The following CDH8 variants were observed in gnomAD, a reference collection of about 807,000 sequenced individuals.
CDH8 encodes cadherin-8.
A neutral mutation model predicts 68.1 loss-of-function variants in CDH8; 17 were observed. The observed-to-expected ratio is 0.25, with a 90% CI of 0.17 to 0.37. The LOEUF is 0.37. CDH8 is among the 10% of genes least tolerant of loss of function. The probability of loss-of-function intolerance (pLI) is 1.00; values close to 1 mark genes in which losing one functional copy is unlikely to be tolerated. For synonymous variants in CDH8, 372 were observed against 365.1 expected, an observed-to-expected ratio of 1.02 and a Z score of -0.21; for missense variants, 763 against 999.3, an observed-to-expected ratio of 0.76 and a Z score of 3.19.
intron 7 of CDH8, among the ~76,000 whole-genome samples, chr16:61,801,806 G>A (rs1302227437): frequency 6.6e-6 from 1 of 152,234 alleles, no homozygotes. Context: ...ACCTGGCTCG[G>A]AGGGCCCTAC....
chr16:62,017,986 A>T (rs1901982316), intron 2 of CDH8, among the ~76,000 whole-genome samples: 1 of 152,136 alleles, frequency 6.6e-6, no homozygotes, highest in South Asian at 2.1e-4. Context: ...TCCAACTACA[A>T]ACACATACAC....
chr16:61,677,491 C>T (rs1047292016), intron 10 of CDH8, among the ~76,000 whole-genome samples: 86 of 152,036 alleles, frequency 5.7e-4, no homozygotes, highest in African/African-American at 2.0e-3. Context: ...CCTACTAGGA[C>T]TGGGGTTTCC....
intron 2 of CDH8, among the ~76,000 whole-genome samples, chr16:61,918,952 C>T (rs1964306537): frequency 6.7e-6 from 1 of 148,348 alleles, no homozygotes. Flanking sequence ...GTTCTCCCAG[C>T]ACGCAGCTGG....
chr16:61,991,089 C>G (rs974409361), intron 2 of CDH8, among the ~76,000 whole-genome samples: 2 of 152,186 alleles, frequency 1.3e-5, no homozygotes, highest in Non-Finnish European at 2.9e-5. Flanking sequence ...TTGACTCTCA[C>G]CTCTGTGACT....
chr16:61,871,836 A>C (rs1040426939), intron 3 of CDH8, among the ~76,000 whole-genome samples: 1 of 147,948 alleles, frequency 6.8e-6, no homozygotes, highest in Non-Finnish European at 1.5e-5. Context: ...AAAAAAAAAA[A>C]AAAAAAAAAA....
chr16:61,766,964 C>T (rs6498807), intron 8 of CDH8, among the ~76,000 whole-genome samples: 53,749 of 151,762 alleles, frequency 0.35, 9,830 homozygotes, highest in Middle Eastern at 0.44. Flanking sequence ...GATCCACGTA[C>T]GTGCTTTGGA....
At position 61,901,290 on chromosome 16, in the gene CDH8, G is replaced by A; in HGVS notation, c.436C>T (p.Pro146Ser). Reference sequence around the variant, plus strand: ...ATAAATTCAGAAGGAGGCTCCAGAGGTTTGCTTGTCTCCCAGTCCACTGCT... The same window carrying A: ...ATAAATTCAGAAGGAGGCTCCAGAGATTTGCTTGTCTCCCAGTCCACTGCT... ...AQAVDWETSK[P>S]LEPPSEFIIK... is the part of the protein sequence containing the mutation. Residue 146 changes from proline to serine, a missense_variant, in exon 3 of 12, where the codon CCT (proline) becomes TCT (serine). By Grantham distance (74) the Pro-to-Ser change is moderately conservative. This residue lies in a region of CDH8 where 366 missense variants were observed against 563.1 expected (regional missense o/e 0.65). Transcript: ENST00000577390. 1 of 1,613,952 alleles carries A rather than the reference G, an allele frequency of 6.2e-7. No homozygotes were observed. The highest frequency in any genetic ancestry group is 8.5e-7 in the Non-Finnish European group (1 of 1,179,948).
intron 6 of CDH8, among the ~76,000 whole-genome samples, chr16:61,819,018 G>A (rs971003904): frequency 2.1e-5 from 3 of 144,060 alleles, no homozygotes; most frequent in Non-Finnish European, 3.0e-5. Flanking sequence ...CTAAGCACAT[G>A]CATCCATGAA....
chr16:61,789,495 C>G lies in CDH8; in HGVS notation c.1278-13G>C. The G allele has an allele frequency of 6.2e-7, 1 of 1,611,210 alleles. No individual in the cohort carries two copies. Among genetic ancestry groups the G allele is most frequent in the South Asian group, 1.1e-5 (1 of 90,846 alleles). ...GTCGATGGAAAACCTACAAAACAGA[C>G]ACATCTGTAATCTACTTCAATGTTT... On this transcript the variant is annotated splice_polypyrimidine_tract_variant and intron_variant, in intron 7 of 11. Transcript: ENST00000577390.
At chr16:61,824,948 A>G in intron 5 of CDH8, 64 bp downstream of exon 5, 1 of 1,374,102 alleles carries the variant, frequency 7.3e-7, no homozygotes, top group Non-Finnish European at 1.0e-6. Context: ...ACTAAAAATT[A>G]TAATATAAAT....
chr16:61,908,626 T>C (rs1171510056), intron 2 of CDH8, among the ~76,000 whole-genome samples: 1 of 152,184 alleles, frequency 6.6e-6, no homozygotes, highest in Middle Eastern at 3.2e-3. Context: ...CACCCACTTG[T>C]GATTGATGCT....
At chr16:61,810,001 G>C (rs756370901) in intron 7 of CDH8, among the ~76,000 whole-genome samples, 1 of 152,086 alleles carries the variant, frequency 6.6e-6, no homozygotes. Flanking sequence ...AAATTTAAAC[G>C]GCATAAATGC....
chr16:61,691,673 A>G (rs2142831400), intron 10 of CDH8: 1 of 152,072 alleles, frequency 6.6e-6, no homozygotes, highest in African/African-American at 2.4e-5. Context: ...CTTTCTCGTA[A>G]GCCACAGGAA....
chr16:61,984,139 G>A (rs116238460), intron 2 of CDH8, among the ~76,000 whole-genome samples: 1,778 of 151,860 alleles, frequency 0.012, 39 homozygotes, highest in African/African-American at 0.041. Context: ...GGCTTGTCTC[G>A]AACTCCTAGA....
chr16:61,850,910 C>T (rs1962925072), intron 4 of CDH8, among the ~76,000 whole-genome samples: 1 of 151,984 alleles, frequency 6.6e-6, no homozygotes, highest in Admixed American at 6.6e-5. Context: ...TCTTAGTGCC[C>T]ACAACATGGC....
rs1377790052 is a variant in CDH8 at position 61,705,392 on chromosome 16, T to A, written c.1654+8449A>T. Among the ~76,000 whole-genome samples the A allele has an allele frequency of 3.9e-5, 6 of 152,174 alleles. 1 individual carries two copies. Among genetic ancestry groups the A allele is most frequent in the Admixed American group, 3.9e-4 (6 of 15,292 alleles). On this transcript the variant is annotated intron_variant, in intron 10 of 11. Coordinates refer to ENST00000577390, the MANE Select transcript of CDH8 (RefSeq NM_001796.5). ...GCAACTTGTATGAAAAGTATAATGG[T>A]TTCCAATAAGCCTGCAAAATGGAAT...
rs188942692 is a variant in CDH8, at chr16:61,827,999, A to G, written c.668-2820T>C. Among the ~76,000 whole-genome samples, 772 of 151,970 alleles carry G rather than the reference A, an allele frequency of 5.1e-3. 1 individual carries two copies. The highest frequency in any genetic ancestry group is 7.5e-3 in the Non-Finnish European group (506 of 67,884). ...AGGGGTTAGGTAAAATAAGGCTGAG[A>G]CCTTCTGAGCTGCATTCCCAGACAG... On this transcript the variant is annotated intron_variant, in intron 4 of 11. Coordinates refer to ENST00000577390, the MANE Select transcript of CDH8 (RefSeq NM_001796.5).
At chr16:61,933,311 T>C (rs1964575052) in intron 2 of CDH8, among the ~76,000 whole-genome samples, 1 of 152,146 alleles carries the variant, frequency 6.6e-6, no homozygotes, top group Non-Finnish European at 1.5e-5. Flanking sequence ...AGAGGCTGTA[T>C]TTGCAGGCAG....
chr16:62,013,456 A>G (rs1200870802), intron 2 of CDH8, among the ~76,000 whole-genome samples: 2 of 152,180 alleles, frequency 1.3e-5, no homozygotes, highest in African/African-American at 4.8e-5. Flanking sequence ...TTGAATACAT[A>G]CATCTATATT....
Sources: gnomAD v4.1 joint callset for allele counts (sites outside exome capture counted in the v4.1 genomes callset) on GRCh38, gnomAD v4.1.1 for gene constraint, gnomAD v4.1.1 regional missense constraint, MANE v1.5 for transcripts, NCBI Gene and HGNC (gene_info 2026-07-23, HGNC 2026-07-21) for gene names.